The following TOX4 variants were observed in gnomAD, a reference collection of about 807,000 sequenced individuals.
TOX4 encodes the protein epidermal Langerhans cell protein LCP1.
TOX4 carries 12 observed loss-of-function variants against 61.0 expected under a neutral mutation model. The observed-to-expected ratio is 0.20, with a 90% confidence interval of 0.13 to 0.32. The LOEUF is 0.32. Among genes scored for constraint, TOX4 ranks in the 10% least tolerant of loss-of-function variants. The pLI, the probability that TOX4 is intolerant of heterozygous loss-of-function variation, is 1.00. For synonymous variants in TOX4, 268 were observed against 274.8 expected (o/e 0.98, Z 0.24); for missense variants, 499 against 753.3 (o/e 0.66, Z 3.95).
rs749734312 is a variant in TOX4 at position 21,492,554 on chromosome 14, C to T, written c.938C>T (p.Thr313Ile). Reference protein sequence around the residue: ...VELDPAPPSQTPSPPPMATVD... With the variant: ...VELDPAPPSQIPSPPPMATVD... ...TTGGATCCAGCACCACCATCACAAA[C>T]TCCTTCTCCACCTCCTATGGCTACT... is the stretch of plus-strand genomic sequence containing the variant. The change falls in exon 7 of 9, where the codon ACT becomes ATT. Residue 313 changes from threonine (T) to isoleucine (I), a missense_variant. Transcript: ENST00000448790. The T allele has an allele frequency of 1.9e-6, 3 of 1,614,002 alleles. No individual in the cohort carries two copies. Among genetic ancestry groups the T allele is most frequent in the South Asian group, 2.2e-5 (2 of 91,074 alleles).
At position 21,498,822 on chromosome 14, in the gene TOX4, C is replaced by T. The variant is rs948980332; in HGVS notation, c.*2216C>T. Reference sequence around the variant, plus strand: ...AGAGTAGAAACCCTAGGGAGCAGTGCTTTTGGGTCCTAGAACCTGTTGAGT... The same window carrying T: ...AGAGTAGAAACCCTAGGGAGCAGTGTTTTTGGGTCCTAGAACCTGTTGAGT... On this transcript the variant is annotated 3_prime_UTR_variant, in exon 9 of 9. Transcript: ENST00000448790. The T allele has an allele frequency of 2.0e-4, 112 of 558,016 alleles. No individual in the cohort carries two copies. The highest frequency in any genetic ancestry group is 3.3e-4 in the Non-Finnish European group (102 of 313,234). 34.6% of individuals were successfully genotyped at this position (558,016 alleles called of 1,614,324 possible).
intron 3 of TOX4, 71 bp from the exon 4 acceptor site, chr14:21,488,519 G>C: frequency 6.7e-7 from 1 of 1,491,520 alleles, no homozygotes; most frequent in Non-Finnish European, 9.2e-7. Context: ...TTTATAAGCT[G>C]TCTTAAATTT....
At chr14:21,484,999 G>T (rs112900011) in intron 2 of TOX4, among the ~76,000 whole-genome samples, 31,744 of 106,994 alleles carry the variant, frequency 0.3, 11,874 homozygotes, top group Admixed American at 0.37. Context: ...TGGGCGCTGT[G>T]GCTCATGCCT....
In TOX4 at chr14:21,498,648, A is replaced by T; in HGVS notation, c.*2042A>T. The T allele has an allele frequency of 2.0e-6, 1 of 507,264 alleles. No homozygotes were observed. Among genetic ancestry groups the T allele is most frequent in the Non-Finnish European group, 3.5e-6 (1 of 285,962 alleles). The allele number at this position is 507,264 out of a possible 1,614,324, so 31.4% of individuals were successfully genotyped here. A position where few individuals can be genotyped will look rare whatever the true frequency, so the allele number is the denominator to read the frequency against. ...GTTGCTACCAGGGAGTATTCTTTGG[A>T]TAAGCAAAATGCTAGCAGCATGTGT... On this transcript the variant is annotated 3_prime_UTR_variant, in exon 9 of 9. Transcript: ENST00000448790.
rs1487724131 is a variant in TOX4, at chr14:21,488,828, ATGG to A, written c.560_562del (p.Gly187del). ...TCACCTACTAGTTCACTTCACGAGG[ATGG>A]TGTTGAGGATTTCCGGAGGGTGAGG... On this transcript the variant is annotated inframe_deletion, in exon 4 of 9. Coordinates refer to ENST00000448790, the MANE Select transcript of TOX4 (RefSeq NM_014828.4). 2 of 1,614,132 alleles carry A rather than the reference ATGG, an allele frequency of 1.2e-6. No homozygotes were observed. The highest frequency in any genetic ancestry group is 1.7e-6 in the Non-Finnish European group (2 of 1,179,992).
chr14:21,494,977 A>AG (rs924928230), intron 7 of TOX4, among the ~76,000 whole-genome samples: 1 of 138,990 alleles, frequency 7.2e-6, no homozygotes. Flanking sequence ...CAGGCTTAAC[A>AG]GGGAAAAAAA....
intron 8 of TOX4, 170 bp downstream of exon 8, chr14:21,495,562 C>A: frequency 1.5e-6 from 1 of 650,890 alleles, no homozygotes; most frequent in Non-Finnish European, 2.5e-6. Context: ...TTACATTTGC[C>A]ACATAAGCCA....
intron 2 of TOX4, among the ~76,000 whole-genome samples, chr14:21,483,956 C>T (rs1891153142): frequency 6.6e-6 from 1 of 151,984 alleles, no homozygotes; most frequent in Non-Finnish European, 1.5e-5. Context: ...TACAGACGCA[C>T]ACCACCACAC....
At chr14:21,483,815 TGTGC>T (rs1205544059) in intron 2 of TOX4, among the ~76,000 whole-genome samples, 4 of 141,146 alleles carry the variant, frequency 2.8e-5, no homozygotes, top group South Asian at 4.6e-4. Flanking sequence ...TGTGTGTGTG[TGTGC>T]GCGTGTGAGA....
At chr14:21,494,806 C>T (rs1891366728) in intron 7 of TOX4, among the ~76,000 whole-genome samples, 1 of 151,420 alleles carries the variant, frequency 6.6e-6, no homozygotes. Flanking sequence ...GTAATCCCAG[C>T]TACTTGGGAG....
At position 21,498,708 on chromosome 14, in the gene TOX4, T is replaced by C. The variant is rs1434830951; in HGVS notation, c.*2102T>C. On this transcript the variant is annotated 3_prime_UTR_variant, in exon 9 of 9. Coordinates refer to ENST00000448790, the MANE Select transcript of TOX4 (RefSeq NM_014828.4). Reference sequence around the variant, plus strand: ...TGTTAAGGGGTGAAAGATGTAATTATTGACAGATTAAATAGATAACTTCGT... The same window carrying C: ...TGTTAAGGGGTGAAAGATGTAATTACTGACAGATTAAATAGATAACTTCGT... 1.7e-5 allele frequency: 8 copies of C among 463,302 alleles called. No individual in the cohort carries two copies. Among genetic ancestry groups the C allele is most frequent in the African/African-American group, 1.2e-4 (6 of 51,282 alleles). 28.7% of individuals were successfully genotyped at this position (463,302 alleles called of 1,614,324 possible). A position where few individuals can be genotyped will look rare whatever the true frequency, so the allele number is the denominator to read the frequency against.
In TOX4 at chr14:21,497,521, GTTTTTTT is replaced by G. The variant is rs544629534; in HGVS notation, c.*933_*939del. ...CATTCCTGTTTTCTGTGTGTTTTTT[GTTTTTTT>G]TTTTTTTTTTTTTTTTTGAGACAGA... is the stretch of plus-strand genomic sequence containing the variant. On this transcript the variant is annotated 3_prime_UTR_variant, in exon 9 of 9. Transcript: ENST00000448790. 9.0e-6 allele frequency: 1 copy of G among 110,892 alleles called. No homozygotes were observed. The highest frequency in any genetic ancestry group is 3.3e-5 in the African/African-American group (1 of 29,856). 6.9% of individuals were successfully genotyped at this position (110,892 alleles called of 1,614,324 possible).
Position 21,498,492 on chromosome 14 carries a change from G to C in TOX4, c.*1886G>C, listed in dbSNP as rs1000723956. ...ATATCAAATATGCCAATTCTAAAAA[G>C]AGCTTAACATTAGAATAGTATATGG... is the stretch of plus-strand genomic sequence containing the variant. On this transcript the variant is annotated 3_prime_UTR_variant, in exon 9 of 9. Transcript: ENST00000448790. 3.4e-6 allele frequency: 3 copies of C among 875,162 alleles called. No individual in the cohort carries two copies. The highest frequency in any genetic ancestry group is 3.4e-5 in the African/African-American group (2 of 59,294). The allele number at this position is 875,162 out of a possible 1,614,324, so 54.2% of individuals were successfully genotyped here.
chr14:21,495,111 C>T lies in TOX4; in HGVS notation c.1642-118C>T, dbSNP rs1891373157. 1.7e-5 allele frequency: 20 copies of T among 1,177,502 alleles called. 1 individual carries two copies. The highest frequency in any genetic ancestry group is 3.0e-4 in the Middle Eastern group (1 of 3,340). 72.9% of individuals were successfully genotyped at this position (1,177,502 alleles called of 1,614,324 possible). A position where few individuals can be genotyped will look rare whatever the true frequency, so the allele number is the denominator to read the frequency against. ...CTCACCTTCTTCTGCAGTTTTGCCC[C>T]CCAGTGTGAGGAATTCTAATACCTG... On this transcript the variant is annotated intron_variant, in intron 7 of 8. Coordinates refer to ENST00000448790, the MANE Select transcript of TOX4 (RefSeq NM_014828.4).
intron 2 of TOX4, among the ~76,000 whole-genome samples, chr14:21,485,235 G>A (rs1362016003): frequency 9.6e-6 from 1 of 104,546 alleles, no homozygotes; most frequent in Non-Finnish European, 2.1e-5. Flanking sequence ...GACCAACATG[G>A]AGAAACCCCG....
At position 21,497,209 on chromosome 14, in the gene TOX4, T is replaced by C. The variant is rs562412253; in HGVS notation, c.*603T>C. The C allele has an allele frequency of 3.3e-5, 5 of 152,398 alleles. No homozygotes were observed. Among genetic ancestry groups the C allele is most frequent in the African/African-American group, 1.2e-4 (5 of 41,582 alleles). 9.4% of individuals were successfully genotyped at this position (152,398 alleles called of 1,614,324 possible). On this transcript the variant is annotated 3_prime_UTR_variant, in exon 9 of 9. Transcript: ENST00000448790. ...AGTTCATGAATCTAAGAGGCGGAAC[T>C]CTACATCATTAGTAAGAGGTTCCAC...
chr14:21,488,688 C>T lies in TOX4; in HGVS notation c.417C>T (p.Ser139=). Residue 139 remains serine, a synonymous_variant, in exon 4 of 9, where the codon AGC becomes AGT. Coordinates refer to ENST00000448790, the MANE Select transcript of TOX4 (RefSeq NM_014828.4). ...TDMTSGLMGH[S]QLTTIDQSEL... ...TGACATCTGGCTTGATGGGGCATAG[C>T]CAGTTGACCACCATTGATCAGTCAG... The T allele has an allele frequency of 1.2e-6, 2 of 1,614,158 alleles. No homozygotes were observed. The highest frequency in any genetic ancestry group is 1.7e-6 in the Non-Finnish European group (2 of 1,180,038).
In TOX4 at chr14:21,488,755, A is replaced by G. The variant is rs1891233973; in HGVS notation, c.484A>G (p.Ile162Val). The G allele has an allele frequency of 1.8e-5, 29 of 1,614,208 alleles. No individual in the cohort carries two copies. Among genetic ancestry groups the G allele is most frequent in the Non-Finnish European group, 2.3e-5 (27 of 1,180,036 alleles). Residue 162 changes from isoleucine (I) to valine (V), a missense_variant, in exon 4 of 9, where the codon ATC becomes GTC. Ile to Val is a conservative substitution (Grantham distance 29). Transcript: ENST00000448790. ...QLGLSLGGGT[I>V]LPPAQSPEDR... ...GGGTTTGAGCCTAGGGGGTGGCACCATCCTGCCACCTGCCCAGTCACCTGA... is the reference window on the plus strand; with the variant it reads ...GGGTTTGAGCCTAGGGGGTGGCACCGTCCTGCCACCTGCCCAGTCACCTGA...
chr14:21,479,454 G>T (rs1264191071), intron 2 of TOX4, among the ~76,000 whole-genome samples: 1 of 151,916 alleles, frequency 6.6e-6, no homozygotes, highest in African/African-American at 2.4e-5. Context: ...TTCGAGACCA[G>T]CCTGACCAAC....
Sources: allele counts gnomAD v4.1 joint callset (sites outside exome capture counted in the v4.1 genomes callset), GRCh38; gene constraint gnomAD v4.1.1; transcripts MANE v1.5; gene names NCBI Gene and HGNC (gene_info 2026-07-23, HGNC 2026-07-21).